USP9X: variants seen among roughly 807,000 people sequenced by gnomAD.
The protein encoded by USP9X is ubiquitin carboxyl-terminal hydrolase 9X.
Under a neutral mutation model 190.3 loss-of-function variants are expected in USP9X, and 7 were observed. The observed-to-expected ratio is 0.04, with a 90% CI of 0.02 to 0.07. The LOEUF (loss-of-function observed/expected upper bound fraction) is 0.07, where lower values mean the gene tolerates loss of function less well. Among genes scored for constraint, USP9X ranks in the 10% least tolerant of loss-of-function variants. The pLI, the probability that USP9X is intolerant of heterozygous loss-of-function variation, is 1.00. For synonymous variants in USP9X, 645 were observed against 659.5 expected (o/e 0.98, Z 0.34); for missense variants, 1,010 against 1,916.9 (o/e 0.53, Z 8.83).
At chrX:41,161,575 A>G (rs1462803295) in intron 14 of USP9X, among the ~76,000 whole-genome samples, 3 of 102,247 alleles carry the variant, frequency 2.9e-5, no homozygotes, top group Non-Finnish European at 5.9e-5. Context: ...ACCTCAGGTA[A>G]TCCGCCTGCC....
chrX:41,163,405 A>G (rs1190273994), intron 15 of USP9X, among the ~76,000 whole-genome samples: 1 of 108,485 alleles, frequency 9.2e-6, no homozygotes, highest in African/African-American at 3.4e-5. Context: ...TTTCTCTGCA[A>G]TATTTAGCGT....
chrX:41,205,282 G>A, intron 31 of USP9X, 21 bp from the exon 32 acceptor site: 1 of 1,131,920 alleles, frequency 8.8e-7, no homozygotes, highest in Admixed American at 2.7e-5. Flanking sequence ...TAGCTCATTG[G>A]TGACATTTTT....
At chrX:41,231,658 A>AG (rs1404100624) in intron 44 of USP9X, among the ~76,000 whole-genome samples, 2 of 106,632 alleles carry the variant, frequency 1.9e-5, no homozygotes, top group Admixed American at 1.0e-4. Context: ...TGAACCCAGG[A>AG]GGCAGAGGTG....
chrX:41,194,069 A>G (rs995609665), intron 26 of USP9X, among the ~76,000 whole-genome samples: 5 of 112,113 alleles, frequency 4.5e-5, no homozygotes, highest in Non-Finnish European at 9.4e-5. Flanking sequence ...GCTTGCTCCC[A>G]GAAAAGTAGA....
At chrX:41,104,426 TGTG>T (rs1417583458) in intron 1 of USP9X, among the ~76,000 whole-genome samples, 1 of 112,064 alleles carries the variant, frequency 8.9e-6, no homozygotes, top group Non-Finnish European at 1.9e-5. Context: ...AATTTTAAAA[TGTG>T]GTAGGATTCT....
intron 6 of USP9X, among the ~76,000 whole-genome samples, chrX:41,140,064 A>G (rs1027213550): frequency 1.8e-5 from 2 of 112,020 alleles, no homozygotes; most frequent in African/African-American, 6.5e-5. Flanking sequence ...ATCCTGTTGC[A>G]TGGTGTTACT....
At chrX:41,226,245 C>G (rs1333668141) in intron 41 of USP9X, among the ~76,000 whole-genome samples, 3 of 111,988 alleles carry the variant, frequency 2.7e-5, no homozygotes, top group African/African-American at 9.7e-5. Flanking sequence ...CTAAGGTTAT[C>G]CAGCTTAACT....
intron 30 of USP9X, among the ~76,000 whole-genome samples, chrX:41,199,379 G>A (rs1219637203): frequency 9.9e-5 from 11 of 111,545 alleles, no homozygotes; most frequent in Non-Finnish European, 1.5e-4. Context: ...CAAAGTAAAT[G>A]CCGTAGAGTA....
chrX:41,143,810 A>G (rs2062442069), intron 10 of USP9X, among the ~76,000 whole-genome samples: 1 of 111,985 alleles, frequency 8.9e-6, no homozygotes, highest in East Asian at 2.8e-4. Flanking sequence ...TTGATTATTT[A>G]TAAAGACCTG....
At chrX:41,114,369 C>T (rs962842347) in intron 1 of USP9X, among the ~76,000 whole-genome samples, 1 of 111,452 alleles carries the variant, frequency 9.0e-6, no homozygotes, top group Admixed American at 9.5e-5. Flanking sequence ...TGTGGTTGTC[C>T]GCCATTTCAG....
intron 1 of USP9X, among the ~76,000 whole-genome samples, chrX:41,088,003 T>G (rs1392826802): frequency 8.9e-6 from 1 of 111,879 alleles, no homozygotes; most frequent in East Asian, 2.8e-4. Flanking sequence ...TGGTTTTGTT[T>G]GTTTGTTTTT....
intron 32 of USP9X, among the ~76,000 whole-genome samples, chrX:41,206,186 C>T (rs1467993600): frequency 2.7e-5 from 3 of 111,617 alleles, no homozygotes; most frequent in African/African-American, 6.5e-5. Context: ...CCACTGTGCC[C>T]GGCCCCTACC....
At chrX:41,098,085 A>T (rs990087207) in intron 1 of USP9X, among the ~76,000 whole-genome samples, 1 of 111,021 alleles carries the variant, frequency 9.0e-6, no homozygotes, top group African/African-American at 3.3e-5. Flanking sequence ...AGCACCCTGG[A>T]AGGTTCCCTT....
intron 21 of USP9X, among the ~76,000 whole-genome samples, chrX:41,178,678 C>G (rs2062800561): frequency 9.0e-6 from 1 of 111,403 alleles, no homozygotes; most frequent in Non-Finnish European, 1.9e-5. Context: ...TTTTTGTGGT[C>G]TTATTTCCTT....
intron 31 of USP9X, among the ~76,000 whole-genome samples, chrX:41,204,227 G>A (rs2063069792): frequency 9.0e-6 from 1 of 111,718 alleles, no homozygotes; most frequent in Admixed American, 9.5e-5. Flanking sequence ...TTGGCCACTT[G>A]TTGATCTTCT....
intron 1 of USP9X, among the ~76,000 whole-genome samples, chrX:41,098,155 T>C (rs1047399601): frequency 5.4e-4 from 58 of 107,928 alleles, no homozygotes; most frequent in African/African-American, 2.7e-4. Flanking sequence ...TTTTTTTTTT[T>C]CTTGAGATGG....
intron 1 of USP9X, among the ~76,000 whole-genome samples, chrX:41,091,195 A>G (rs945800406): frequency 3.1e-5 from 2 of 63,716 alleles, no homozygotes; most frequent in Non-Finnish European, 6.2e-5. Context: ...GTATATGCCA[A>G]TTGAATTTTT....
intron 21 of USP9X, among the ~76,000 whole-genome samples, chrX:41,182,794 A>C (rs1305228602): frequency 2.7e-5 from 3 of 111,433 alleles, no homozygotes; most frequent in Non-Finnish European, 5.7e-5. Flanking sequence ...TTATTATAAA[A>C]ACTATTTTAA....
At chrX:41,143,464 G>T (rs763769453) in intron 10 of USP9X, 21 bp downstream of exon 10, 1 of 1,133,536 alleles carries the variant, frequency 8.8e-7, no homozygotes, top group Admixed American at 2.8e-5. Context: ...TAAGATGATG[G>T]CTATTTAGTT....
Sources: gnomAD v4.1 joint callset for allele counts (sites outside exome capture counted in the v4.1 genomes callset) on GRCh38, gnomAD v4.1.1 for gene constraint, MANE v1.5 for transcripts, NCBI Gene and HGNC (gene_info 2026-07-23, HGNC 2026-07-21) for gene names.